Variants in GLI3 observed in about 807,000 individuals in gnomAD.
GLI3 encodes the protein GLI family zinc finger 3.
A neutral mutation model predicts 100.8 loss-of-function variants in GLI3; 20 were observed. The ratio of observed to expected loss-of-function variants is 0.20; its 90% CI spans 0.14 to 0.29. The LOEUF (loss-of-function observed/expected upper bound fraction) is 0.29. Ranked by LOEUF, GLI3 falls within the 10% of genes least tolerant of loss-of-function variation. GLI3 has a pLI of 1.00. For synonymous variants in GLI3, 938 were observed against 860.5 expected (o/e 1.09, Z -1.58); for missense variants, 2,040 against 2,128.5 (o/e 0.96, Z 0.82).
chr7:42,261,934 CTTCTT>C (rs1439142668), intron 1 of GLI3, among the ~76,000 whole-genome samples: 2 of 138,714 alleles, frequency 1.4e-5, no homozygotes, highest in South Asian at 2.3e-4. Flanking sequence ...CCTTTTCTTT[CTTCTT>C]TTCTTTTCTT....
At chr7:42,223,674 AAGGGGC>A (rs1234757747) in intron 1 of GLI3, among the ~76,000 whole-genome samples, 2 of 152,212 alleles carry the variant, frequency 1.3e-5, no homozygotes, top group Non-Finnish European at 2.9e-5. Flanking sequence ...ACTTTACAGG[AAGGGGC>A]ATTTGAACAA....
intron 3 of GLI3, among the ~76,000 whole-genome samples, chr7:42,132,950 C>G (rs778798732): frequency 2.0e-5 from 3 of 152,034 alleles, no homozygotes; most frequent in Non-Finnish European, 4.4e-5. Context: ...CACCTACCAC[C>G]CTATCAATAA....
At chr7:41,985,543 GA>G in intron 10 of GLI3, among the ~76,000 whole-genome samples, 1 of 151,808 alleles carries the variant, frequency 6.6e-6, no homozygotes, top group Middle Eastern at 3.4e-3. Context: ...TTTCTGAAAA[GA>G]AAAAAATGGG....
At chr7:42,142,858 G>A (rs887672563) in intron 3 of GLI3, among the ~76,000 whole-genome samples, 1 of 144,590 alleles carries the variant, frequency 6.9e-6, no homozygotes, top group African/African-American at 2.6e-5. Flanking sequence ...AGAATGACAT[G>A]AACCCGGGAG....
At chr7:41,989,557 T>G (rs2128717383) in intron 10 of GLI3, among the ~76,000 whole-genome samples, 1 of 152,288 alleles carries the variant, frequency 6.6e-6, no homozygotes, top group Non-Finnish European at 1.5e-5. Context: ...GAGAAAGCAT[T>G]ACCATCCATT....
chr7:42,182,067 C>T (rs75174814), intron 2 of GLI3, among the ~76,000 whole-genome samples: 11,098 of 152,082 alleles, frequency 0.073, 428 homozygotes, highest in Middle Eastern at 0.096. Flanking sequence ...CGATTTACAA[C>T]GGGCCTCCAA....
At chr7:42,231,288 T>C (rs1037447674) in intron 1 of GLI3, among the ~76,000 whole-genome samples, 4 of 152,220 alleles carry the variant, frequency 2.6e-5, no homozygotes, top group African/African-American at 9.6e-5. Flanking sequence ...CCATATTTTA[T>C]CCTCCCAACT....
chr7:41,978,856 C>T (rs995158879), intron 10 of GLI3, 108 bp from the exon 11 acceptor site: 30 of 946,560 alleles, frequency 3.2e-5, no homozygotes, highest in South Asian at 1.4e-4. Context: ...TTCTAAAGAC[C>T]ACAAGAATAA....
chr7:42,198,093 T>C (rs1161074858), intron 2 of GLI3, among the ~76,000 whole-genome samples: 1 of 152,092 alleles, frequency 6.6e-6, no homozygotes, highest in Non-Finnish European at 1.5e-5. Context: ...TTAAGGTCAT[T>C]TTTATACCTA....
At chr7:42,162,757 C>T (rs1270265356) in intron 2 of GLI3, among the ~76,000 whole-genome samples, 2 of 152,068 alleles carry the variant, frequency 1.3e-5, no homozygotes, top group Non-Finnish European at 2.9e-5. Flanking sequence ...AATGAATGCA[C>T]CTCAGAGCTC....
intron 2 of GLI3, among the ~76,000 whole-genome samples, chr7:42,199,988 G>A (rs1372670160): frequency 3.3e-5 from 5 of 152,108 alleles, no homozygotes; most frequent in East Asian, 1.9e-4. Context: ...TCCGGGAGGC[G>A]GAGGTTGCAG....
At chr7:42,218,937 T>C (rs537079877) in intron 2 of GLI3, among the ~76,000 whole-genome samples, 13 of 152,186 alleles carry the variant, frequency 8.5e-5, no homozygotes, top group African/African-American at 2.9e-4. Flanking sequence ...ACACTTCAAA[T>C]TGAAAAGTCA....
chr7:42,009,480 CTTTTTTT>C (rs3030324), intron 10 of GLI3, among the ~76,000 whole-genome samples: 3 of 118,364 alleles, frequency 2.5e-5, no homozygotes, highest in South Asian at 2.8e-4. Context: ...GCAAATTGTT[CTTTTTTT>C]TTTTTTTTTT....
At chr7:42,239,468 T>A (rs1358871731), upstream of GLI3, among the ~76,000 whole-genome samples, 2 of 152,222 alleles carry the variant, frequency 1.3e-5, no homozygotes, top group African/African-American at 4.8e-5. Context: ...ACTCCCAGCA[T>A]CAGTTACAAT....
chr7:42,199,845 C>T (rs953833989), intron 2 of GLI3, among the ~76,000 whole-genome samples: 10 of 152,132 alleles, frequency 6.6e-5, no homozygotes. Flanking sequence ...CACATAAGGT[C>T]AGGAGTTCGA....
Position 41,965,884 on chromosome 7 carries a change from G to C in GLI3, c.3189C>G (p.Ser1063=), listed in dbSNP as rs1417816250. The C allele has an allele frequency of 6.2e-7, 1 of 1,613,644 alleles. No homozygotes were observed. The highest frequency in any genetic ancestry group is 8.5e-7 in the Non-Finnish European group (1 of 1,179,942). ...EGGQSRNFHS[S]PCPPSITENV... ...TCTCGGTGATGCTGGGAGGACAGGG[G>C]GACGAGTGGAAGTTTCGGGACTGGC... Residue 1063 remains serine, a synonymous_variant, in exon 15 of 15, where the codon TCC becomes TCG. Coordinates refer to ENST00000395925, the MANE Select transcript of GLI3 (RefSeq NM_000168.6).
At chr7:42,121,526 T>C (rs557465856) in intron 3 of GLI3, among the ~76,000 whole-genome samples, 1 of 152,318 alleles carries the variant, frequency 6.6e-6, no homozygotes, top group South Asian at 2.1e-4. Context: ...AATTGCAACC[T>C]GCTTAAATAT....
intron 3 of GLI3, among the ~76,000 whole-genome samples, chr7:42,128,498 T>C (rs961666907): frequency 6.6e-6 from 1 of 152,244 alleles, no homozygotes; most frequent in African/African-American, 2.4e-5. Context: ...TTGTAAGTAA[T>C]TCTATAAAAT....
chr7:42,244,083 C>T (rs1331445476), intron 1 of GLI3, among the ~76,000 whole-genome samples: 1 of 152,182 alleles, frequency 6.6e-6, no homozygotes, highest in Non-Finnish European at 1.5e-5. Context: ...ATCTGCCCAC[C>T]TTGGCCTCCC....
Sources: allele counts gnomAD v4.1 joint callset (sites outside exome capture counted in the v4.1 genomes callset), GRCh38; gene constraint gnomAD v4.1.1; transcripts MANE v1.5; gene names NCBI Gene and HGNC (gene_info 2026-07-23, HGNC 2026-07-21).